Variants in SPTB observed in about 807,000 individuals in gnomAD.
SPTB encodes spectrin beta chain, erythrocytic.
A neutral mutation model predicts 256.2 loss-of-function variants in SPTB; 45 were observed. That is an observed-to-expected ratio of 0.18 (90% CI 0.14 to 0.23). The LOEUF is 0.23. SPTB is among the 10% of genes least tolerant of loss of function. SPTB has a pLI of 1.00. For missense variants in SPTB, 2,715 were observed against 3,040.4 expected, an observed-to-expected ratio of 0.89 and a Z score of 2.52; for synonymous variants, 1,231 against 1,243.1, an observed-to-expected ratio of 0.99 and a Z score of 0.21.
At chr14:64,863,264 C>T (rs1881963365) in intron 1 of SPTB, among the ~76,000 whole-genome samples, 1 of 152,080 alleles carries the variant, frequency 6.6e-6, no homozygotes, top group Non-Finnish European at 1.5e-5. Context: ...TTGTCTTGGG[C>T]TACACATAAA....
At position 64,772,661 on chromosome 14, in the gene SPTB, C is replaced by G. The variant is rs2082295244; in HGVS notation, c.5472G>C (p.Val1824=). The G allele has an allele frequency of 1.2e-6, 2 of 1,613,462 alleles. No individual in the cohort carries two copies. Among genetic ancestry groups the G allele is most frequent in the East Asian group, 4.5e-5 (2 of 44,876 alleles). The change falls in exon 26 of 36, where the codon GTG becomes GTC. Residue 1824 remains valine, a synonymous_variant. Transcript: ENST00000644917. The surrounding 1 kb of genome is among the most constrained non-coding windows in gnomAD (Gnocchi z 5.4). ...ACTCGGCCGTGCTGGCGTCCAGCCC[C>G]ACGTCCTCGGGCAGCTCGCGGTGCT... ...DEKHRELPED[V]GLDASTAESF...
In SPTB at chr14:64,825,181, G is replaced by C. The variant is rs868407902; in HGVS notation, c.-51-2036C>G. ...AATCAGAAGGGTTTCAGGAGGGCAG[G>C]TGGGGAAAGGACATGGTGCATGGGG... is the stretch of plus-strand genomic sequence containing the variant. On this transcript the variant is annotated intron_variant, in intron 1 of 35. Coordinates refer to ENST00000644917, the MANE Select transcript of SPTB (RefSeq NM_001355436.2). The surrounding 1 kb of genome is among the most constrained non-coding windows in gnomAD (Gnocchi z 4.8). Among the ~76,000 whole-genome samples, 5 of 152,112 alleles carry C rather than the reference G, an allele frequency of 3.3e-5. No individual in the cohort carries two copies. Among genetic ancestry groups the C allele is most frequent in the African/African-American group, 1.2e-4 (5 of 41,412 alleles).
chr14:64,791,764 G>A lies in SPTB; in HGVS notation c.2759C>T (p.Pro920Leu), dbSNP rs944154148. 1 of 1,614,088 alleles carries A rather than the reference G, an allele frequency of 6.2e-7. No individual in the cohort carries two copies. The highest frequency in any genetic ancestry group is 1.1e-5 in the South Asian group (1 of 91,070). ...GTACTGCTTCACCTCCCTGCTGCGTGGGTGGCCACTCTCTACCAAGCTGTT... is the reference window on the plus strand; with the variant it reads ...GTACTGCTTCACCTCCCTGCTGCGTAGGTGGCCACTCTCTACCAAGCTGTT... Reference protein sequence around the residue: ...AANSLVESGHPRSREVKQYQD... With the variant: ...AANSLVESGHLRSREVKQYQD... Residue 920 changes from proline (P) to leucine (L), a missense_variant, in exon 15 of 36, where the codon CCA becomes CTA. This residue lies in a region of SPTB where 2,239 missense variants were observed against 2,384.4 expected (regional missense o/e 0.94). Transcript: ENST00000644917.
At chr14:64,855,490 A>C (rs1186166571) in intron 1 of SPTB, among the ~76,000 whole-genome samples, 2 of 152,138 alleles carry the variant, frequency 1.3e-5, no homozygotes, top group Non-Finnish European at 2.9e-5. Context: ...TTGTGTTCTA[A>C]CATGACTTAA....
In SPTB at chr14:64,758,101, A is replaced by T. The variant is rs2082040779; in HGVS notation, c.6346-4308T>A. ...GTGGTTTGCAGCCTTTTAAAGTGAG[A>T]TCATGTCTGTAAATGTTGGCTTTCT... On this transcript the variant is annotated intron_variant, in intron 32 of 35. Transcript: ENST00000644917. The surrounding 1 kb of genome is among the most constrained non-coding windows in gnomAD (Gnocchi z 4.6). Among the ~76,000 whole-genome samples, 1 of 152,156 alleles carries T rather than the reference A, an allele frequency of 6.6e-6. No homozygotes were observed. The highest frequency in any genetic ancestry group is 1.9e-4 in the East Asian group (1 of 5,206).
In SPTB at chr14:64,795,238, T is replaced by C; in HGVS notation, c.1644+99A>G. On this transcript the variant is annotated intron_variant, in intron 12 of 35. Transcript: ENST00000644917. The surrounding 1 kb of genome is among the most constrained non-coding windows in gnomAD (Gnocchi z 6.5). ...CTCTATTTTGACTCAGAGATATGACTGGCTGGGAGGTGTCTAAGGAAGCCT... is the reference window on the plus strand; with the variant it reads ...CTCTATTTTGACTCAGAGATATGACCGGCTGGGAGGTGTCTAAGGAAGCCT... 1 of 1,379,328 alleles carries C rather than the reference T, an allele frequency of 7.2e-7. No individual in the cohort carries two copies. The highest frequency in any genetic ancestry group is 1.4e-5 in the African/African-American group (1 of 69,824). 85.4% of individuals were successfully genotyped at this position (1,379,328 alleles called of 1,614,324 possible).
chr14:64,808,601 G>A (rs1327497136), intron 2 of SPTB, among the ~76,000 whole-genome samples: 1 of 152,078 alleles, frequency 6.6e-6, no homozygotes, highest in African/African-American at 2.4e-5. Context: ...CATTGTTATC[G>A]TCATTACTAC....
chr14:64,752,630 ACATAGTAGATGCT>A (rs2139428732), intron 33 of SPTB, among the ~76,000 whole-genome samples: 1 of 152,364 alleles, frequency 6.6e-6, no homozygotes, highest in South Asian at 2.1e-4. Flanking sequence ...AATGCCTGGC[ACATAGTAGATGCT>A]CAGTAAATGT....
chr14:64,822,399 CACA>C (rs2083307787), intron 2 of SPTB, among the ~76,000 whole-genome samples: 2 of 143,260 alleles, frequency 1.4e-5, no homozygotes, highest in Non-Finnish European at 3.0e-5. Context: ...CACACACACA[CACA>C]GAGAGATCTA....
intron 12 of SPTB, 142 bp from the exon 13 acceptor site, chr14:64,794,759 G>T: frequency 1.9e-6 from 2 of 1,078,682 alleles, no homozygotes; most frequent in Non-Finnish European, 2.7e-6. Flanking sequence ...TGCTGCTGAG[G>T]ATGGAAGAAG....
chr14:64,815,953 T>A (rs921048146), intron 2 of SPTB, among the ~76,000 whole-genome samples: 1 of 152,172 alleles, frequency 6.6e-6, no homozygotes, highest in Non-Finnish European at 1.5e-5. Context: ...AGAGTGATAT[T>A]GCCAGGTAGA....
chr14:64,833,063 T>C (rs1163469643), intron 1 of SPTB, among the ~76,000 whole-genome samples: 1 of 152,214 alleles, frequency 6.6e-6, no homozygotes, highest in African/African-American at 2.4e-5. Flanking sequence ...CCCTCCCTGA[T>C]TACTATTTCC....
chr14:64,773,984 T>C (rs1053208641), intron 24 of SPTB, among the ~76,000 whole-genome samples: 5 of 152,218 alleles, frequency 3.3e-5, no homozygotes, highest in African/African-American at 9.7e-5. Flanking sequence ...TCGCAGCCCA[T>C]GTGGGCACAG....
rs1236161401 is a variant in SPTB, at chr14:64,775,841, C to T, written c.4564-438G>A. 2.6e-5 allele frequency among the ~76,000 whole-genome samples: 4 copies of T among 152,220 alleles called. No individual in the cohort carries two copies. Among genetic ancestry groups the T allele is most frequent in the Non-Finnish European group, 4.4e-5 (3 of 68,036 alleles). ...TGCAGGATTTATGCAGGATCATTTA[C>T]GCAGGATACGCCCAACCCAGCAGCT... On this transcript the variant is annotated intron_variant, in intron 22 of 35. Transcript: ENST00000644917. The surrounding 1 kb of genome is among the most constrained non-coding windows in gnomAD (Gnocchi z 5.0).
chr14:64,875,280 C>T (rs1022625611), intron 1 of SPTB, among the ~76,000 whole-genome samples: 3 of 152,206 alleles, frequency 2.0e-5, no homozygotes, highest in Non-Finnish European at 2.9e-5. Context: ...TCTAAGACTA[C>T]GTGAGCTATA....
rs2082718441 is a variant in SPTB at position 64,793,748 on chromosome 14, G to A, written c.1915C>T (p.Leu639Phe). 6.2e-7 allele frequency: 1 copy of A among 1,614,082 alleles called. No individual in the cohort carries two copies. Among genetic ancestry groups the A allele is most frequent in the African/African-American group, 1.3e-5 (1 of 74,942 alleles). ...RKAQLEQSKR[L>F]WKFFWEMDEA... is the part of the protein sequence containing the mutation. ...TCCATCTCCCAGAAGAACTTCCAGA[G>A]TCGTTTGGACTGCTCCAGTTGGGCC... Residue 639 changes from leucine (L) to phenylalanine (F), a missense_variant, in exon 14 of 36, where the codon CTC becomes TTC. By Grantham distance (22) the Leu-to-Phe change is conservative. This residue lies in a region of SPTB where 2,239 missense variants were observed against 2,384.4 expected (regional missense o/e 0.94). Transcript: ENST00000644917. The surrounding 1 kb of genome is among the most constrained non-coding windows in gnomAD (Gnocchi z 7.0).
At chr14:64,833,832 G>C (rs115703122) in intron 1 of SPTB, among the ~76,000 whole-genome samples, 1,840 of 152,258 alleles carry the variant, frequency 0.012, 41 homozygotes, top group African/African-American at 0.042. Flanking sequence ...GATGAGAACT[G>C]AGAAATGCAG....
intron 32 of SPTB, among the ~76,000 whole-genome samples, chr14:64,762,710 G>A (rs1431964895): frequency 1.3e-5 from 2 of 152,216 alleles, no homozygotes; most frequent in South Asian, 4.1e-4. Flanking sequence ...GCGGAAGAAT[G>A]GCATCTGTGA....
rs1347462204 is a variant in SPTB at position 64,786,736 on chromosome 14, G to A, written c.3229C>T (p.Leu1077Phe). 2 of 1,614,142 alleles carry A rather than the reference G, an allele frequency of 1.2e-6. No homozygotes were observed. The highest frequency in any genetic ancestry group is 1.7e-5 in the Admixed American group (1 of 60,032). The change falls in exon 16 of 36, where the codon CTC (leucine) becomes TTC (phenylalanine). Residue 1077 changes from leucine to phenylalanine, a missense_variant. Transcript: ENST00000644917. The surrounding 1 kb of genome is among the most constrained non-coding windows in gnomAD (Gnocchi z 5.6). Reference protein sequence around the residue: ...LQDLDDFQAWLSITQKAVASE... With the variant: ...LQDLDDFQAWFSITQKAVASE... ...GCCACAGCCTTCTGGGTGATGGAGA[G>A]CCAGGCCTGGAAGTCATCCAGATCC...
Sources: gnomAD v4.1 joint callset for allele counts (sites outside exome capture counted in the v4.1 genomes callset) on GRCh38, gnomAD v4.1.1 for gene constraint, gnomAD v4.1.1 regional missense constraint, Gnocchi (gnomAD v3.1) non-coding constraint, MANE v1.5 for transcripts, NCBI Gene and HGNC (gene_info 2026-07-23, HGNC 2026-07-21) for gene names.